The following GLIS3 variants were observed in gnomAD, a reference collection of about 807,000 sequenced individuals.
GLIS3 encodes GLIS family zinc finger 3.
In GLIS3, 53 loss-of-function variants were observed where a neutral mutation model predicts 78.6. That is an observed-to-expected ratio of 0.67 (90% confidence interval 0.54 to 0.85). The LOEUF (loss-of-function observed/expected upper bound fraction) is 0.85. GLIS3 is among the 40% of genes least tolerant of loss of function. The pLI, the probability that GLIS3 is intolerant of heterozygous loss-of-function variation, is 0.00. For synonymous variants in GLIS3, 684 were observed against 509.9 expected (o/e 1.34, Z -4.60); for missense variants, 1,703 against 1,231.1 (o/e 1.38, Z -5.74).
intron 4 of GLIS3, among the ~76,000 whole-genome samples, chr9:4,067,711 A>G (rs1281051866): frequency 6.6e-6 from 1 of 152,200 alleles, no homozygotes; most frequent in African/African-American, 2.4e-5. Context: ...CAAATTTAAA[A>G]CATGGTAAAG....
chr9:3,908,030 G>C (rs767719154), intron 6 of GLIS3, among the ~76,000 whole-genome samples: 1 of 152,200 alleles, frequency 6.6e-6, no homozygotes, highest in Non-Finnish European at 1.5e-5. Context: ...TGAAAGTGGG[G>C]TGTTCTGAAC....
the GLIS3 span, among the ~76,000 whole-genome samples, chr9:4,395,044 A>G: frequency 6.6e-6 from 1 of 152,196 alleles, no homozygotes. Context: ...AGTATCTATA[A>G]TGGTGTACAA....
the GLIS3 span, among the ~76,000 whole-genome samples, chr9:4,374,499 C>T: frequency 6.6e-6 from 1 of 152,248 alleles, no homozygotes; most frequent in Non-Finnish European, 1.5e-5. Context: ...CACACAGGCT[C>T]AGCCTGAAGC....
At chr9:3,882,292 T>G (rs78961920) in intron 7 of GLIS3, among the ~76,000 whole-genome samples, 2 of 152,172 alleles carry the variant, frequency 1.3e-5, no homozygotes, top group South Asian at 2.1e-4. Context: ...CCAACTCCTA[T>G]TTTTCATTTG....
At chr9:4,195,179 C>G (rs959718647) in intron 2 of GLIS3, among the ~76,000 whole-genome samples, 1 of 152,250 alleles carries the variant, frequency 6.6e-6, no homozygotes, top group Non-Finnish European at 1.5e-5. Context: ...CCTCCTCGGC[C>G]TCGGCGTCTG....
At chr9:4,228,269 T>C (rs1416097451) in intron 2 of GLIS3, among the ~76,000 whole-genome samples, 5 of 147,324 alleles carry the variant, frequency 3.4e-5, no homozygotes, top group Non-Finnish European at 7.4e-5. Context: ...AGTTTTAAAA[T>C]GCTGTTTTAA....
At chr9:4,014,074 A>T (rs1219066090) in intron 4 of GLIS3, among the ~76,000 whole-genome samples, 1 of 152,208 alleles carries the variant, frequency 6.6e-6, no homozygotes, top group Non-Finnish European at 1.5e-5. Flanking sequence ...CATGTGGCCC[A>T]AGAATCAAGA....
the GLIS3 span, among the ~76,000 whole-genome samples, chr9:4,400,890 T>G: frequency 1.3e-5 from 2 of 152,232 alleles, no homozygotes; most frequent in African/African-American, 2.4e-5. Flanking sequence ...TAAAGAGCCC[T>G]TGGTCCCTGA....
chr9:4,248,433 G>A (rs1563827526), intron 2 of GLIS3, among the ~76,000 whole-genome samples: 1 of 152,090 alleles, frequency 6.6e-6, no homozygotes, highest in African/African-American at 2.4e-5. Context: ...TCTTTTTTAT[G>A]GCTGCATAGT....
At chr9:4,126,287 C>T (rs1365557005) in intron 2 of GLIS3, among the ~76,000 whole-genome samples, 1 of 152,072 alleles carries the variant, frequency 6.6e-6, no homozygotes, top group Non-Finnish European at 1.5e-5. Flanking sequence ...AAGTTTTTTC[C>T]TAGAATAGCT....
At chr9:4,260,640 G>C (rs1825432807) in intron 2 of GLIS3, among the ~76,000 whole-genome samples, 1 of 151,896 alleles carries the variant, frequency 6.6e-6, no homozygotes, top group African/African-American at 2.4e-5. Flanking sequence ...CAGCTACTCA[G>C]GAGGCTGAGG....
chr9:4,140,652 CTG>C (rs1474911211), intron 2 of GLIS3, among the ~76,000 whole-genome samples: 3 of 152,156 alleles, frequency 2.0e-5, no homozygotes, highest in African/African-American at 7.2e-5. Flanking sequence ...CTCCTCTAGA[CTG>C]TAATTGTTAA....
the GLIS3 span, among the ~76,000 whole-genome samples, chr9:4,455,879 A>T: frequency 6.6e-6 from 1 of 152,090 alleles, no homozygotes; most frequent in African/African-American, 2.4e-5. Flanking sequence ...TTGGAAGACC[A>T]AGGCATGTGA....
At chr9:4,089,000 T>G (rs1165119171) in intron 4 of GLIS3, among the ~76,000 whole-genome samples, 1 of 152,258 alleles carries the variant, frequency 6.6e-6, no homozygotes, top group East Asian at 1.9e-4. Flanking sequence ...AACATCTATA[T>G]CCATGAGCTG....
rs569367754 is a variant in GLIS3 at position 4,190,676 on chromosome 9, A to G, written c.389-64735T>C. Among the ~76,000 whole-genome samples, 72 of 152,276 alleles carry G rather than the reference A, an allele frequency of 4.7e-4. 2 individuals carry two copies. The South Asian group carries it at 0.014, about 30-fold the overall frequency. On this transcript the variant is annotated intron_variant, in intron 2 of 10. Coordinates refer to ENST00000381971, the MANE Select transcript of GLIS3 (RefSeq NM_001042413.2). ...GCCAACATTCAGATTCAGGAAGTACAGAGAATGCCACAAAGATACTCCTCG... is the reference window on the plus strand; with the variant it reads ...GCCAACATTCAGATTCAGGAAGTACGGAGAATGCCACAAAGATACTCCTCG...
intron 4 of GLIS3, among the ~76,000 whole-genome samples, chr9:4,020,454 C>G (rs989895186): frequency 2.0e-5 from 3 of 152,190 alleles, no homozygotes; most frequent in African/African-American, 7.2e-5. Flanking sequence ...GCGTTTACAT[C>G]GTACCCAAAC....
chr9:4,044,644 C>A (rs1453085823), intron 4 of GLIS3, among the ~76,000 whole-genome samples: 1 of 152,152 alleles, frequency 6.6e-6, no homozygotes, highest in Non-Finnish European at 1.5e-5. Context: ...GTACAGTAGA[C>A]CTGGTGGTCT....
intron 2 of GLIS3, among the ~76,000 whole-genome samples, chr9:4,174,540 T>C (rs1035926348): frequency 7.9e-5 from 12 of 152,262 alleles, no homozygotes; most frequent in African/African-American, 2.9e-4. Flanking sequence ...ATTTGGATTA[T>C]GCAAAAAATG....
chr9:4,118,399 G>A lies in GLIS3; in HGVS notation c.1079C>T (p.Pro360Leu), dbSNP rs370077577. The A allele has an allele frequency of 4.7e-5, 75 of 1,605,854 alleles. No individual in the cohort carries two copies. The South Asian group carries it at 7.6e-4, about 16-fold the overall frequency. Residue 360 changes from proline (P) to leucine (L), a missense_variant, in exon 4 of 11, where the codon CCC becomes CTC. Transcript: ENST00000381971. This position sits in a 1 kb window ranked among gnomAD's most constrained non-coding sequence, Gnocchi z 4.7. ...GCTGCCGGGCACCGGGCGCGGCTGG[G>A]GAATGCAGCTGCCGCGCACGCCCAG... ...HFLGVRGSCI[P>L]QPRPVPGSQK...
Sources: allele counts gnomAD v4.1 joint callset (sites outside exome capture counted in the v4.1 genomes callset), GRCh38; gene constraint gnomAD v4.1.1; non-coding constraint Gnocchi (gnomAD v3.1); transcripts MANE v1.5; gene names NCBI Gene and HGNC (gene_info 2026-07-23, HGNC 2026-07-21).